The following SMIM13 variants were observed in gnomAD, a reference collection of about 807,000 sequenced individuals.
SMIM13 encodes UPF0766 protein C6orf228.
In SMIM13, 3 loss-of-function variants were observed where a neutral mutation model predicts 5.9. That is an observed-to-expected ratio of 0.51 (90% CI 0.23 to 1.31). SMIM13 has a LOEUF of 1.31. Among genes scored for constraint, SMIM13 ranks in the 40% most tolerant of loss-of-function variants. The probability of loss-of-function intolerance (pLI) is 0.18; values close to 1 mark genes in which losing one functional copy is unlikely to be tolerated. For synonymous variants in SMIM13, 55 were observed against 46.0 expected, an observed-to-expected ratio of 1.19 and a Z score of -0.79; for missense variants, 85 against 109.9, an observed-to-expected ratio of 0.77 and a Z score of 1.01.
intron 1 of SMIM13, among the ~76,000 whole-genome samples, chr6:11,115,664 T>G (rs1417371409): frequency 6.6e-6 from 1 of 150,966 alleles, no homozygotes; most frequent in East Asian, 2.0e-4. Context: ...TGCCATGTTC[T>G]TTCTTTCTTT....
intron 1 of SMIM13, among the ~76,000 whole-genome samples, chr6:11,120,595 C>T (rs1224169458): frequency 6.6e-6 from 1 of 152,186 alleles, no homozygotes; most frequent in African/African-American, 2.4e-5. Flanking sequence ...TTTGGGAGCA[C>T]ACAAACATTC....
At chr6:11,107,550 C>T (rs1758105017) in intron 1 of SMIM13, among the ~76,000 whole-genome samples, 1 of 152,156 alleles carries the variant, frequency 6.6e-6, no homozygotes, top group Non-Finnish European at 1.5e-5. Flanking sequence ...GCTGTTGACT[C>T]CTTCCTTTTC....
intron 1 of SMIM13, among the ~76,000 whole-genome samples, chr6:11,120,159 G>A (rs183442225): frequency 1.8e-3 from 270 of 152,296 alleles, no homozygotes; most frequent in African/African-American, 6.0e-3. Flanking sequence ...TAACTCCACT[G>A]GAATGATTCC....
In SMIM13 at chr6:11,101,186, T is replaced by C. The variant is rs189571994; in HGVS notation, c.76+6797T>C. 2.0e-5 allele frequency among the ~76,000 whole-genome samples: 3 copies of C among 152,268 alleles called. No homozygotes were observed. In the East Asian group the frequency reaches 5.8e-4, roughly 29 times the overall value. ...GGGGCTTTATCTTCTGTCTCTTAAATTGAGTTTTTAATTTTAGCTGTCCAG... is the reference window on the plus strand; with the variant it reads ...GGGGCTTTATCTTCTGTCTCTTAAACTGAGTTTTTAATTTTAGCTGTCCAG... On this transcript the variant is annotated intron_variant, in intron 1 of 1. Coordinates refer to ENST00000416247, the MANE Select transcript of SMIM13 (RefSeq NM_001135575.2).
intron 1 of SMIM13, chr6:11,105,616 C>T (rs932653990): frequency 3.0e-6 from 1 of 329,520 alleles, no homozygotes; most frequent in Admixed American, 4.5e-5. Flanking sequence ...CTGGCAGTCT[C>T]CAGTACTGTA....
At chr6:11,110,971 A>G (rs965046972) in intron 1 of SMIM13, among the ~76,000 whole-genome samples, 1 of 152,238 alleles carries the variant, frequency 6.6e-6, no homozygotes, top group African/African-American at 2.4e-5. Flanking sequence ...CTGGAGCATA[A>G]CAGGGATGAA....
At chr6:11,103,812 C>G in intron 1 of SMIM13, 2 of 1,551,514 alleles carry the variant, frequency 1.3e-6, no homozygotes, top group Admixed American at 2.0e-5. Context: ...GAGACATGGA[C>G]CAAAAAGGAG....
At chr6:11,097,887 C>G (rs777303027) in intron 1 of SMIM13, among the ~76,000 whole-genome samples, 4 of 152,050 alleles carry the variant, frequency 2.6e-5, no homozygotes, top group Non-Finnish European at 4.4e-5. Flanking sequence ...ATGCTGTGAA[C>G]CTTTCTTTTT....
intron 1 of SMIM13, among the ~76,000 whole-genome samples, chr6:11,129,778 T>C (rs1216240595): frequency 3.3e-5 from 5 of 152,214 alleles, no homozygotes; most frequent in Non-Finnish European, 5.9e-5. Flanking sequence ...CTAGTTGTTA[T>C]TATTGTCATA....
intron 1 of SMIM13, among the ~76,000 whole-genome samples, chr6:11,131,011 AT>A (rs1758445084): frequency 6.6e-6 from 1 of 152,142 alleles, no homozygotes; most frequent in Non-Finnish European, 1.5e-5. Flanking sequence ...CTGATAGTAA[AT>A]TTACCACTGT....
intron 1 of SMIM13, among the ~76,000 whole-genome samples, chr6:11,102,208 A>C (rs1035018889): frequency 6.6e-6 from 1 of 152,248 alleles, no homozygotes; most frequent in African/African-American, 2.4e-5. Context: ...TTCTGTCCAG[A>C]ATTCTCATTA....
Position 11,104,296 on chromosome 6 carries a change from T to C in SMIM13, c.76+9907T>C, listed in dbSNP as rs565688582. The C allele has an allele frequency of 3.2e-6, 5 of 1,551,614 alleles. No individual in the cohort carries two copies. The East Asian group carries it at 9.8e-5, about 30-fold the overall frequency. ...CTGGGCAACGGGGAATTCCCATAGA[T>C]TGGTATTGGAAGAGAGAGATTGCCA... On this transcript the variant is annotated intron_variant, in intron 1 of 1. Coordinates refer to ENST00000416247, the MANE Select transcript of SMIM13 (RefSeq NM_001135575.2).
chr6:11,097,845 A>G (rs1404414463), intron 1 of SMIM13, among the ~76,000 whole-genome samples: 1 of 152,148 alleles, frequency 6.6e-6, no homozygotes, highest in Non-Finnish European at 1.5e-5. Flanking sequence ...TTACCCTTCT[A>G]GCGGTCACAA....
intron 1 of SMIM13, among the ~76,000 whole-genome samples, chr6:11,101,094 G>T (rs1757985754): frequency 1.3e-5 from 2 of 149,858 alleles, no homozygotes; most frequent in South Asian, 4.2e-4. Flanking sequence ...GACCTTTTGG[G>T]TTGATTCTTT....
chr6:11,104,094 A>G, intron 1 of SMIM13: 1 of 1,551,658 alleles, frequency 6.4e-7, no homozygotes, highest in Non-Finnish European at 8.7e-7. Context: ...TAAAGAGTCG[A>G]TTTGTTCTTG....
intron 1 of SMIM13, among the ~76,000 whole-genome samples, chr6:11,127,608 G>A (rs1021923604): frequency 1.3e-5 from 2 of 152,176 alleles, no homozygotes; most frequent in African/African-American, 2.4e-5. Context: ...TGTCTTACAC[G>A]GATGGCAGCA....
intron 1 of SMIM13, among the ~76,000 whole-genome samples, chr6:11,098,681 C>T (rs1393167243): frequency 3.3e-5 from 5 of 152,212 alleles, no homozygotes; most frequent in African/African-American, 1.2e-4. Flanking sequence ...GATCCACTTG[C>T]CCCGGGCTCC....
At position 11,136,412 on chromosome 6, in the gene SMIM13, T is replaced by A. The variant is rs1375534723; in HGVS notation, c.*1810T>A. 2.6e-5 allele frequency: 4 copies of A among 152,150 alleles called. No individual in the cohort carries two copies. The highest frequency in any genetic ancestry group is 7.2e-5 in the African/African-American group (3 of 41,430). 9.4% of individuals were successfully genotyped at this position (152,150 alleles called of 1,614,324 possible). A position where few individuals can be genotyped will look rare whatever the true frequency, so the allele number is the denominator to read the frequency against. On this transcript the variant is annotated 3_prime_UTR_variant, in exon 2 of 2. Coordinates refer to ENST00000416247, the MANE Select transcript of SMIM13 (RefSeq NM_001135575.2). The stretch of plus-strand genomic sequence containing the variant: ...AACTTACTTTATTAATCCAAGTTCT[T>A]TTTATGTTTTTCTTAACCTTTATTA...
intron 1 of SMIM13, among the ~76,000 whole-genome samples, chr6:11,130,027 A>G (rs529823209): frequency 6.6e-6 from 1 of 152,244 alleles, no homozygotes; most frequent in African/African-American, 2.4e-5. Flanking sequence ...CTGTGGTAGA[A>G]GTATCAGATC....
Sources: allele counts gnomAD v4.1 joint callset (sites outside exome capture counted in the v4.1 genomes callset), GRCh38; gene constraint gnomAD v4.1.1; transcripts MANE v1.5; gene names NCBI Gene and HGNC (gene_info 2026-07-23, HGNC 2026-07-21).